The following LDLRAD3 variants were observed in gnomAD, a reference collection of about 807,000 sequenced individuals.
The protein encoded by LDLRAD3 is low-density lipoprotein receptor class A domain-containing protein 3.
In LDLRAD3, 20 loss-of-function variants were observed where a neutral mutation model predicts 29.4. The observed-to-expected ratio is 0.68, with a 90% confidence interval of 0.48 to 0.99. The LOEUF (loss-of-function observed/expected upper bound fraction) is 0.99, where lower values mean the gene tolerates loss of function less well. Among genes scored for constraint, LDLRAD3 ranks in the 50% least tolerant of loss-of-function variants. The pLI is 0.00. For synonymous variants in LDLRAD3, 157 were observed against 192.7 expected, an observed-to-expected ratio of 0.81 and a Z score of 1.53; for missense variants, 420 against 454.3, an observed-to-expected ratio of 0.92 and a Z score of 0.69.
chr11:36,198,207 C>T (rs890907198), intron 4 of LDLRAD3, among the ~76,000 whole-genome samples: 3 of 152,276 alleles, frequency 2.0e-5, no homozygotes, highest in South Asian at 4.1e-4. Context: ...AGATGATTGA[C>T]CTGAGATGAA....
chr11:36,010,994 G>C (rs1851948248), intron 1 of LDLRAD3, among the ~76,000 whole-genome samples: 1 of 152,012 alleles, frequency 6.6e-6, no homozygotes, highest in Non-Finnish European at 1.5e-5. Flanking sequence ...TAGTAGAGGT[G>C]GGGTTTCTCC....
chr11:35,950,094 C>G (rs568844331), intron 1 of LDLRAD3, among the ~76,000 whole-genome samples: 1 of 152,242 alleles, frequency 6.6e-6, no homozygotes, highest in Non-Finnish European at 1.5e-5. Flanking sequence ...TGTTCTTTGC[C>G]CTTGAAGACC....
intron 4 of LDLRAD3, among the ~76,000 whole-genome samples, chr11:36,144,951 C>T (rs1590305710): frequency 9.0e-6 from 1 of 110,870 alleles, no homozygotes. Context: ...CCCCTCTGCC[C>T]GGCCAGCCGC....
intron 2 of LDLRAD3, among the ~76,000 whole-genome samples, chr11:36,049,931 T>C (rs1852504548): frequency 1.3e-5 from 2 of 152,218 alleles, no homozygotes; most frequent in African/African-American, 4.8e-5. Context: ...CCATCTTGGC[T>C]CCTGCTGTCT....
intron 4 of LDLRAD3, among the ~76,000 whole-genome samples, chr11:36,185,612 C>T (rs1043504369): frequency 3.3e-5 from 5 of 152,184 alleles, no homozygotes; most frequent in Non-Finnish European, 7.3e-5. Flanking sequence ...CCTGGGCTCC[C>T]TCACTGTCGA....
intron 2 of LDLRAD3, among the ~76,000 whole-genome samples, chr11:36,042,344 C>G (rs1406990581): frequency 6.6e-6 from 1 of 152,166 alleles, no homozygotes; most frequent in Non-Finnish European, 1.5e-5. Flanking sequence ...AATGCCGGCT[C>G]CACACACCAA....
intron 4 of LDLRAD3, among the ~76,000 whole-genome samples, chr11:36,148,224 A>G (rs979883021): frequency 3.3e-5 from 5 of 152,316 alleles, no homozygotes; most frequent in African/African-American, 1.2e-4. Flanking sequence ...TATATCTAGC[A>G]TAGGGATTTT....
At chr11:36,193,684 C>G (rs550387114) in intron 4 of LDLRAD3, among the ~76,000 whole-genome samples, 28 of 152,266 alleles carry the variant, frequency 1.8e-4, no homozygotes, top group Admixed American at 3.9e-4. Context: ...AAACCCACTT[C>G]TTTCAAAAAT....
At chr11:36,050,930 A>G (rs1180722330) in intron 2 of LDLRAD3, among the ~76,000 whole-genome samples, 7 of 152,068 alleles carry the variant, frequency 4.6e-5, no homozygotes, top group African/African-American at 1.7e-4. Context: ...GTGTCCTCAT[A>G]TGGTGTAAAG....
chr11:35,970,847 G>A (rs1002936863), intron 1 of LDLRAD3, among the ~76,000 whole-genome samples: 1 of 152,180 alleles, frequency 6.6e-6, no homozygotes, highest in African/African-American at 2.4e-5. Context: ...TTGCCCAGTT[G>A]CAGTTTAGAT....
At chr11:35,950,910 C>T (rs559796262) in intron 1 of LDLRAD3, among the ~76,000 whole-genome samples, 7 of 152,062 alleles carry the variant, frequency 4.6e-5, no homozygotes, top group South Asian at 2.1e-4. Flanking sequence ...GGTGAAACCC[C>T]GTCTCTTCTA....
chr11:36,016,699 T>G (rs1024708813), intron 1 of LDLRAD3, among the ~76,000 whole-genome samples: 5 of 152,238 alleles, frequency 3.3e-5, no homozygotes, highest in African/African-American at 1.2e-4. Context: ...GCAGAGTGTG[T>G]GTTCTAAGAT....
chr11:36,066,568 C>G (rs1239496569), intron 2 of LDLRAD3, among the ~76,000 whole-genome samples: 2 of 152,166 alleles, frequency 1.3e-5, no homozygotes, highest in Non-Finnish European at 2.9e-5. Context: ...TTACAAATAG[C>G]CAAAATAAAT....
At chr11:36,144,698 A>G (rs1308666351) in intron 4 of LDLRAD3, among the ~76,000 whole-genome samples, 14 of 108,170 alleles carry the variant, frequency 1.3e-4, no homozygotes, top group East Asian at 3.6e-4. Context: ...CCCGGCAGCC[A>G]CCCCGTCTGG....
intron 1 of LDLRAD3, among the ~76,000 whole-genome samples, chr11:35,969,285 G>A (rs1034118836): frequency 2.6e-5 from 4 of 152,156 alleles, no homozygotes; most frequent in Non-Finnish European, 5.9e-5. Context: ...AGCTGCCCAA[G>A]AACAGATTTC....
chr11:36,105,099 G>A (rs1051557394), intron 4 of LDLRAD3, among the ~76,000 whole-genome samples: 1 of 152,136 alleles, frequency 6.6e-6, no homozygotes, highest in Non-Finnish European at 1.5e-5. Context: ...CTTGCTTGCT[G>A]TATCCTGGTG....
chr11:35,985,575 C>G (rs1851604272), intron 1 of LDLRAD3, among the ~76,000 whole-genome samples: 1 of 152,156 alleles, frequency 6.6e-6, no homozygotes, highest in South Asian at 2.1e-4. Context: ...CCACCTAAAT[C>G]TCATCTTGAA....
rs540529069 is a variant in LDLRAD3 at position 35,944,611 on chromosome 11, G to T, written c.46+467G>T. On this transcript the variant is annotated intron_variant, in intron 1 of 5. Coordinates refer to ENST00000315571, the MANE Select transcript of LDLRAD3 (RefSeq NM_174902.4). The surrounding 1 kb of genome is among the most constrained non-coding windows in gnomAD (Gnocchi z 4.9). The stretch of plus-strand genomic sequence containing the variant: ...TTCCCGAGTCTCTGGCGTGCACTCC[G>T]TGCCTCAGTTTCCCCACCTGCACCG... 7.1e-4 allele frequency among the ~76,000 whole-genome samples: 108 copies of T among 152,282 alleles called. No individual in the cohort carries two copies. Among genetic ancestry groups the T allele is most frequent in the Middle Eastern group, 3.4e-3 (1 of 294 alleles).
intron 4 of LDLRAD3, among the ~76,000 whole-genome samples, chr11:36,143,401 T>C (rs1219974749): frequency 6.6e-6 from 1 of 152,206 alleles, no homozygotes; most frequent in African/African-American, 2.4e-5. Context: ...CTTTGACCAC[T>C]CTCTTTCTCC....
Sources: gnomAD v4.1 joint callset for allele counts (sites outside exome capture counted in the v4.1 genomes callset) on GRCh38, gnomAD v4.1.1 for gene constraint, Gnocchi (gnomAD v3.1) non-coding constraint, MANE v1.5 for transcripts, NCBI Gene and HGNC (gene_info 2026-07-23, HGNC 2026-07-21) for gene names.